PTPRD: variants seen among roughly 807,000 people sequenced by gnomAD.
The protein encoded by PTPRD is protein tyrosine phosphatase receptor type D.
Under a neutral mutation model 214.5 loss-of-function variants are expected in PTPRD, and 34 were observed. That is an observed-to-expected ratio of 0.16 (90% CI 0.12 to 0.21). PTPRD has a LOEUF of 0.21. PTPRD is among the 10% of genes least tolerant of loss of function. The probability of loss-of-function intolerance (pLI) is 1.00; values close to 1 mark genes in which losing one functional copy is unlikely to be tolerated. For synonymous variants in PTPRD, 1,128 were observed against 845.7 expected (o/e 1.33, Z -5.79); for missense variants, 2,545 against 2,398.7 (o/e 1.06, Z -1.27).
At chr9:8,664,921 C>G (rs2097141378) in intron 12 of PTPRD, among the ~76,000 whole-genome samples, 1 of 152,154 alleles carries the variant, frequency 6.6e-6, no homozygotes, top group African/African-American at 2.4e-5. Context: ...ACACTGAAGA[C>G]CTAATTCAAT....
chr9:10,458,066 T>C (rs112793821), intron 2 of PTPRD, among the ~76,000 whole-genome samples: 1,824 of 151,914 alleles, frequency 0.012, 34 homozygotes, highest in African/African-American at 0.04. Context: ...TAATTAAAAA[T>C]CTCCCAGGAA....
chr9:10,588,398 G>T (rs1309631973), intron 2 of PTPRD, among the ~76,000 whole-genome samples: 1 of 148,542 alleles, frequency 6.7e-6, no homozygotes, highest in African/African-American at 2.5e-5. Flanking sequence ...GTCAATGTGG[G>T]ACCATGAAGG....
At chr9:9,966,191 A>T (rs1000124763) in intron 4 of PTPRD, among the ~76,000 whole-genome samples, 2 of 152,166 alleles carry the variant, frequency 1.3e-5, no homozygotes, top group Non-Finnish European at 2.9e-5. Context: ...GACAGAAACT[A>T]AAGACCTAAG....
At chr9:9,797,993 T>C (rs2099014772) in intron 5 of PTPRD, among the ~76,000 whole-genome samples, 2 of 152,174 alleles carry the variant, frequency 1.3e-5, no homozygotes, top group African/African-American at 4.8e-5. Context: ...TTGATCATAT[T>C]AGAGATACAT....
At chr9:9,320,224 T>C (rs1190842277) in intron 9 of PTPRD, among the ~76,000 whole-genome samples, 1 of 152,140 alleles carries the variant, frequency 6.6e-6, no homozygotes, top group African/African-American at 2.4e-5. Context: ...ATTTTTCCCA[T>C]GTTTTAATAA....
At chr9:9,237,175 T>C (rs1050750379) in intron 9 of PTPRD, among the ~76,000 whole-genome samples, 58 of 152,298 alleles carry the variant, frequency 3.8e-4, no homozygotes, top group African/African-American at 1.2e-3. Context: ...ACCTGATTCC[T>C]GATAGGAAGG....
intron 10 of PTPRD, among the ~76,000 whole-genome samples, chr9:9,129,710 C>T (rs2099839655): frequency 6.6e-6 from 1 of 152,114 alleles, no homozygotes; most frequent in Admixed American, 6.6e-5. Context: ...AGTCACTAGC[C>T]AGATTTTTTT....
chr9:9,387,443 T>A (rs571855010), intron 9 of PTPRD, among the ~76,000 whole-genome samples: 3 of 152,202 alleles, frequency 2.0e-5, no homozygotes, highest in Non-Finnish European at 4.4e-5. Flanking sequence ...TCCCCTTTTA[T>A]ACCTAGAGTA....
chr9:10,037,869 T>C (rs577273116), intron 3 of PTPRD, among the ~76,000 whole-genome samples: 1 of 152,210 alleles, frequency 6.6e-6, no homozygotes, highest in Non-Finnish European at 1.5e-5. Context: ...GAAGCTCTTA[T>C]AGGCTTTGCA....
intron 6 of PTPRD, among the ~76,000 whole-genome samples, chr9:9,753,201 T>C (rs2098538609): frequency 6.6e-6 from 1 of 152,058 alleles, no homozygotes; most frequent in Non-Finnish European, 1.5e-5. Flanking sequence ...ACTACTGTAA[T>C]TGAGGGGCCC....
chr9:9,682,480 G>C (rs1037786553), intron 7 of PTPRD, among the ~76,000 whole-genome samples: 5 of 151,766 alleles, frequency 3.3e-5, no homozygotes. Flanking sequence ...ATTTGTTGTT[G>C]CCATTGTTTT....
At chr9:9,907,856 A>C (rs1027003478) in intron 5 of PTPRD, among the ~76,000 whole-genome samples, 2 of 152,010 alleles carry the variant, frequency 1.3e-5, no homozygotes, top group African/African-American at 4.8e-5. Flanking sequence ...CATTTTCATC[A>C]CTCATACCAG....
At chr9:8,486,443 C>A (rs755078424) in intron 27 of PTPRD, 94 bp from the exon 28 acceptor site, 1 of 1,100,798 alleles carries the variant, frequency 9.1e-7, no homozygotes, top group South Asian at 1.2e-5. Flanking sequence ...TACTGGTATT[C>A]CCATTTTCTT....
At chr9:8,493,850 CTT>C (rs2097199162) in intron 26 of PTPRD, among the ~76,000 whole-genome samples, 2 of 152,256 alleles carry the variant, frequency 1.3e-5, no homozygotes, top group Non-Finnish European at 2.9e-5. Context: ...ACCAGATGCT[CTT>C]TGATATATTC....
At chr9:8,974,017 T>A (rs890350378) in intron 11 of PTPRD, among the ~76,000 whole-genome samples, 1 of 152,150 alleles carries the variant, frequency 6.6e-6, no homozygotes, top group African/African-American at 2.4e-5. Flanking sequence ...GTCTGCTTAC[T>A]CTGTCCATAG....
intron 5 of PTPRD, among the ~76,000 whole-genome samples, chr9:9,931,140 A>G (rs1007569113): frequency 2.6e-5 from 4 of 152,180 alleles, no homozygotes; most frequent in Non-Finnish European, 2.9e-5. Context: ...CAAAATTAGA[A>G]GTTACTTTTT....
chr9:9,440,224 C>T (rs1411569403), intron 8 of PTPRD, among the ~76,000 whole-genome samples: 1 of 152,168 alleles, frequency 6.6e-6, no homozygotes, highest in Admixed American at 6.5e-5. Flanking sequence ...CAGCTTTTAA[C>T]TTGTAAATAT....
intron 3 of PTPRD, among the ~76,000 whole-genome samples, chr9:10,046,270 T>C (rs1027487119): frequency 6.6e-6 from 1 of 151,954 alleles, no homozygotes; most frequent in South Asian, 2.1e-4. Context: ...CAGTTATCCA[T>C]ACAATTTTTA....
At chr9:10,556,348 G>T (rs1590832252) in intron 2 of PTPRD, among the ~76,000 whole-genome samples, 2 of 151,832 alleles carry the variant, frequency 1.3e-5, no homozygotes, top group South Asian at 2.1e-4. Flanking sequence ...AAAAAACATG[G>T]AAGGAGATAT....
Sources: gnomAD v4.1 joint callset for allele counts (sites outside exome capture counted in the v4.1 genomes callset) on GRCh38, gnomAD v4.1.1 for gene constraint, MANE v1.5 for transcripts, NCBI Gene and HGNC (gene_info 2026-07-23, HGNC 2026-07-21) for gene names.